CDK19: variants seen among roughly 807,000 people sequenced by gnomAD.
The protein encoded by CDK19 is cyclin-dependent kinase 19.
CDK19 carries 20 observed loss-of-function variants against 68.3 expected under a neutral mutation model. The observed-to-expected ratio is 0.29, with a 90% CI of 0.21 to 0.43. The LOEUF is 0.43. Among genes scored for constraint, CDK19 ranks in the 20% least tolerant of loss-of-function variants. The pLI is 1.00. For synonymous variants in CDK19, 221 were observed against 222.8 expected, an observed-to-expected ratio of 0.99 and a Z score of 0.07; for missense variants, 339 against 623.5, an observed-to-expected ratio of 0.54 and a Z score of 4.86.
chr6:110,764,493 C>T (rs1166482971), intron 1 of CDK19, among the ~76,000 whole-genome samples: 1 of 152,110 alleles, frequency 6.6e-6, no homozygotes, highest in African/African-American at 2.4e-5. Flanking sequence ...GAACAAGGAA[C>T]AGCAATGGAG....
intron 4 of CDK19, among the ~76,000 whole-genome samples, chr6:110,650,573 G>A (rs1780898535): frequency 6.6e-6 from 1 of 152,162 alleles, no homozygotes; most frequent in African/African-American, 2.4e-5. Flanking sequence ...ATAATTGTCA[G>A]CATTATTTAA....
At chr6:110,728,009 G>C (rs1022742449) in intron 2 of CDK19, among the ~76,000 whole-genome samples, 2 of 148,320 alleles carry the variant, frequency 1.3e-5, no homozygotes, top group South Asian at 4.2e-4. Flanking sequence ...AAATGAGAAA[G>C]GCCAGGCATG....
At chr6:110,748,337 A>G (rs1279467472) in intron 1 of CDK19, among the ~76,000 whole-genome samples, 1 of 152,224 alleles carries the variant, frequency 6.6e-6, no homozygotes, top group African/African-American at 2.4e-5. Flanking sequence ...CTTGAACAGA[A>G]GAGACTGAGC....
chr6:110,628,734 T>C (rs982706145), intron 6 of CDK19, among the ~76,000 whole-genome samples: 1 of 152,316 alleles, frequency 6.6e-6, no homozygotes, highest in African/African-American at 2.4e-5. Flanking sequence ...CTAAAACAAA[T>C]TGTCAAATGG....
intron 6 of CDK19, among the ~76,000 whole-genome samples, chr6:110,629,917 T>G (rs931468747): frequency 2.0e-5 from 3 of 152,196 alleles, no homozygotes; most frequent in Non-Finnish European, 4.4e-5. Flanking sequence ...TGCAAGCTGG[T>G]TAAAATTCAA....
chr6:110,814,254 C>A (rs887162182), intron 1 of CDK19: 59 of 297,024 alleles, frequency 2.0e-4, no homozygotes, highest in African/African-American at 1.4e-3. Context: ...ACCCAAGATA[C>A]CCAAGGGGCT....
chr6:110,810,897 G>T (rs1471110342), intron 1 of CDK19, among the ~76,000 whole-genome samples: 7 of 150,066 alleles, frequency 4.7e-5, no homozygotes, highest in Non-Finnish European at 1.0e-4. Context: ...ATTTTTTTTT[G>T]GTATAAATGC....
intron 2 of CDK19, among the ~76,000 whole-genome samples, chr6:110,736,000 C>A (rs1427528086): frequency 1.8e-4 from 27 of 152,172 alleles, no homozygotes; most frequent in Non-Finnish European, 7.3e-5. Flanking sequence ...ACTCCCTCAG[C>A]AGTGCCAGCC....
chr6:110,730,082 C>T (rs1370550682), intron 2 of CDK19, among the ~76,000 whole-genome samples: 4 of 152,136 alleles, frequency 2.6e-5, no homozygotes, highest in Admixed American at 1.3e-4. Context: ...TTTGCTATGT[C>T]CCCATTTCTG....
At chr6:110,759,183 G>A (rs1476796686) in intron 1 of CDK19, among the ~76,000 whole-genome samples, 7 of 151,064 alleles carry the variant, frequency 4.6e-5, no homozygotes, top group South Asian at 2.1e-4. Context: ...GGCAGATCAC[G>A]AGGTCAGGAG....
intron 5 of CDK19, among the ~76,000 whole-genome samples, chr6:110,633,593 T>C (rs142224632): frequency 2.1e-4 from 32 of 152,158 alleles, no homozygotes; most frequent in East Asian, 3.9e-4. Flanking sequence ...AGCTAATCAA[T>C]TGAAATATTG....
intron 12 of CDK19, among the ~76,000 whole-genome samples, chr6:110,617,328 C>T (rs1395797083): frequency 1.3e-5 from 2 of 152,132 alleles, no homozygotes; most frequent in Non-Finnish European, 2.9e-5. Context: ...GGGGTCCTGC[C>T]CCACACCCAG....
intron 10 of CDK19, 110 bp downstream of exon 10, chr6:110,622,705 G>C: frequency 1.4e-6 from 1 of 720,312 alleles, no homozygotes; most frequent in Non-Finnish European, 2.5e-6. Context: ...TCTTTAGGTG[G>C]TATCATTGAA....
At chr6:110,791,816 T>G (rs1781613369) in intron 1 of CDK19, among the ~76,000 whole-genome samples, 1 of 151,912 alleles carries the variant, frequency 6.6e-6, no homozygotes, top group African/African-American at 2.4e-5. Context: ...TAATAATTAC[T>G]ATTATTATTT....
intron 4 of CDK19, among the ~76,000 whole-genome samples, chr6:110,655,423 T>C (rs1781250093): frequency 6.6e-6 from 1 of 152,086 alleles, no homozygotes; most frequent in African/African-American, 2.4e-5. Context: ...CACCAAAATC[T>C]ATACCTCTAG....
At chr6:110,740,388 C>T (rs548786334) in intron 2 of CDK19, among the ~76,000 whole-genome samples, 1 of 152,234 alleles carries the variant, frequency 6.6e-6, no homozygotes, top group Non-Finnish European at 1.5e-5. Context: ...TTTTAATCAC[C>T]CAGAATTACT....
At chr6:110,624,837 C>T (rs912075208) in intron 8 of CDK19, among the ~76,000 whole-genome samples, 1 of 152,186 alleles carries the variant, frequency 6.6e-6, no homozygotes, top group African/African-American at 2.4e-5. Flanking sequence ...GACTCAGAGA[C>T]CCCTACTAGA....
At chr6:110,653,908 CA>C (rs1261676867) in intron 4 of CDK19, among the ~76,000 whole-genome samples, 5 of 152,102 alleles carry the variant, frequency 3.3e-5, no homozygotes, top group Non-Finnish European at 5.9e-5. Flanking sequence ...TAAAGATACA[CA>C]ATCTTCCTAC....
intron 2 of CDK19, among the ~76,000 whole-genome samples, chr6:110,674,216 T>A (rs1771276982): frequency 1.3e-5 from 2 of 152,200 alleles, no homozygotes; most frequent in South Asian, 4.1e-4. Flanking sequence ...TCTGATTGCC[T>A]CACCCACCAG....
Sources: gnomAD v4.1 joint callset for allele counts (sites outside exome capture counted in the v4.1 genomes callset) on GRCh38, gnomAD v4.1.1 for gene constraint, MANE v1.5 for transcripts, NCBI Gene and HGNC (gene_info 2026-07-23, HGNC 2026-07-21) for gene names.